The following LYPD5 variants were observed in gnomAD, a reference collection of about 807,000 sequenced individuals.
LYPD5 encodes the protein ly6/PLAUR domain-containing protein 5.
A neutral mutation model predicts 19.1 loss-of-function variants in LYPD5; 21 were observed. The observed-to-expected ratio is 1.10, with a 90% CI of 0.78 to 1.58. The LOEUF (loss-of-function observed/expected upper bound fraction) is 1.58. LYPD5 is among the 40% of genes most tolerant of loss of function. The pLI is 0.00. For synonymous variants in LYPD5, 128 were observed against 142.7 expected, an observed-to-expected ratio of 0.90 and a Z score of 0.74; for missense variants, 287 against 329.8, an observed-to-expected ratio of 0.87 and a Z score of 1.00.
Position 43,798,613 on chromosome 19 carries a change from G to A in LYPD5, c.371-12C>T, listed in dbSNP as rs1351179912. The stretch of plus-strand genomic sequence containing the variant: ...CGGCGGGTCGGGTGCTGGCAAGAGA[G>A]CGTAGATGCACACTCAGGCAGTGGT... On this transcript the variant is annotated splice_polypyrimidine_tract_variant and intron_variant, in intron 3 of 4. Coordinates refer to ENST00000377950, the MANE Select transcript of LYPD5 (RefSeq NM_001031749.3). The A allele has an allele frequency of 6.2e-7, 1 of 1,609,700 alleles. No individual in the cohort carries two copies. The highest frequency in any genetic ancestry group is 1.3e-5 in the African/African-American group (1 of 74,912).
At chr19:43,819,283 C>CTTTTTTTTTTTTTTT (rs560659624) in intron 1 of LYPD5, among the ~76,000 whole-genome samples, 8 of 110,514 alleles carry the variant, frequency 7.2e-5, no homozygotes, top group Non-Finnish European at 1.1e-4. Flanking sequence ...TCTTCTTCTT[C>CTTTTTTTTTTTTTTT]TTTTTTTTTT....
At chr19:43,812,601 G>T (rs969398874) in intron 1 of LYPD5, among the ~76,000 whole-genome samples, 4 of 152,064 alleles carry the variant, frequency 2.6e-5, no homozygotes, top group African/African-American at 9.7e-5. Context: ...CTTGAAACTT[G>T]ATCGTTCATC....
chr19:43,799,807 A>C lies in LYPD5; in HGVS notation c.92T>G (p.Phe31Cys), dbSNP rs527869545. ...TGSQALQCYS[F>C]EHTYFGPFDL... is the part of the protein sequence containing the mutation. ...AAAGGGGCCAAAGTAGGTGTGCTCA[A>C]AGCTGTAGCACTGCAGGGCTTGGGA... Residue 31 changes from phenylalanine to cysteine, a missense_variant, in exon 2 of 5, where the codon TTT (phenylalanine) becomes TGT (cysteine). Phe to Cys is a radical substitution (Grantham distance 205, BLOSUM62 -2). Transcript: ENST00000377950. 2.5e-6 allele frequency: 4 copies of C among 1,613,306 alleles called. No homozygotes were observed. In the African/African-American group the frequency reaches 5.3e-5, roughly 22 times the overall value.
chr19:43,802,526 A>C, upstream of LYPD5: 2 of 628,466 alleles, frequency 3.2e-6, no homozygotes. Context: ...GTCTCTTCCT[A>C]GGTAATCGTG....
chr19:43,806,592 C>T (rs185952285), upstream of LYPD5, among the ~76,000 whole-genome samples: 142 of 152,128 alleles, frequency 9.3e-4, no homozygotes, highest in Non-Finnish European at 8.2e-4. Flanking sequence ...ACACGGAAGG[C>T]GGAGCTTGTG....
upstream of LYPD5, among the ~76,000 whole-genome samples, chr19:43,805,469 G>A (rs368004967): frequency 6.6e-6 from 1 of 152,232 alleles, no homozygotes; most frequent in African/African-American, 2.4e-5. Context: ...TCAAAAATTG[G>A]ATCATGCAGA....
chr19:43,819,851 C>T (rs8107342), intron 1 of LYPD5, among the ~76,000 whole-genome samples: 5,934 of 152,234 alleles, frequency 0.039, 387 homozygotes, highest in African/African-American at 0.13. Flanking sequence ...GTGAGGGAAC[C>T]ACTATGGGAG....
chr19:43,814,172 T>A (rs1298889614), intron 1 of LYPD5, among the ~76,000 whole-genome samples: 1 of 152,220 alleles, frequency 6.6e-6, no homozygotes, highest in Non-Finnish European at 1.5e-5. Flanking sequence ...CATGTATATC[T>A]GCACATTGGG....
chr19:43,805,048 G>A (rs1970259468), upstream of LYPD5, among the ~76,000 whole-genome samples: 1 of 152,212 alleles, frequency 6.6e-6, no homozygotes, highest in Non-Finnish European at 1.5e-5. Flanking sequence ...TCTGCCTGGT[G>A]TCTGAGTGTT....
chr19:43,811,413 C>T (rs1038357220), intron 1 of LYPD5, among the ~76,000 whole-genome samples: 2 of 152,162 alleles, frequency 1.3e-5, no homozygotes, highest in Admixed American at 6.5e-5. Flanking sequence ...CAGCTGGGCA[C>T]GGTGGCTCAC....
chr19:43,800,480 C>G (rs1970208232), intron 1 of LYPD5, among the ~76,000 whole-genome samples: 1 of 152,188 alleles, frequency 6.6e-6, no homozygotes, highest in Admixed American at 6.5e-5. Context: ...CACACAGACA[C>G]AAAGCGTATG....
chr19:43,810,056 T>A (rs1251352788), intron 1 of LYPD5, among the ~76,000 whole-genome samples: 1 of 152,154 alleles, frequency 6.6e-6, no homozygotes, highest in Admixed American at 6.6e-5. Context: ...GCACAATACA[T>A]AATAATTTTC....
upstream of LYPD5, among the ~76,000 whole-genome samples, chr19:43,802,964 C>G (rs1196609234): frequency 6.6e-6 from 1 of 152,050 alleles, no homozygotes; most frequent in East Asian, 1.9e-4. Flanking sequence ...TCTGAGATAC[C>G]GTATGACTGA....
intron 1 of LYPD5, among the ~76,000 whole-genome samples, chr19:43,813,222 G>A (rs114980766): frequency 0.027 from 4,138 of 152,238 alleles, 180 homozygotes; most frequent in African/African-American, 0.092. Flanking sequence ...AACTTGATTA[G>A]TTTCAGTGAA....
intron 1 of LYPD5, among the ~76,000 whole-genome samples, chr19:43,811,735 G>GAGGA (rs1403133540): frequency 2.1e-5 from 1 of 47,180 alleles, no homozygotes; most frequent in South Asian, 1.1e-3. Flanking sequence ...GAGAGGGAGG[G>GAGGA]AGGAAGGAAG....
chr19:43,799,755 G>T lies in LYPD5; in HGVS notation c.144C>A (p.Ser48Arg), dbSNP rs193146372. The change falls in exon 2 of 5, where the codon AGC (serine) becomes AGA (arginine). Residue 48 changes from serine to arginine, a missense_variant. Transcript: ENST00000377950. ...CAAAGCACTCATGAGGACAGGAGAT[G>T]CTGGGCAGCTTCATGGCCCTGAGGT... ...PFDLRAMKLP[S>R]ISCPHECFEA... 7.8e-5 allele frequency: 126 copies of T among 1,614,038 alleles called. No individual in the cohort carries two copies. The highest frequency in any genetic ancestry group is 1.0e-4 in the Non-Finnish European group (123 of 1,179,956).
chr19:43,819,283 C>CTTTTTTTTT (rs560659624), intron 1 of LYPD5, among the ~76,000 whole-genome samples: 57 of 110,512 alleles, frequency 5.2e-4, no homozygotes, highest in Non-Finnish European at 7.3e-4. Context: ...TCTTCTTCTT[C>CTTTTTTTTT]TTTTTTTTTT....
At chr19:43,798,226 C>T (rs1487826589) in intron 4 of LYPD5, among the ~76,000 whole-genome samples, 2 of 149,932 alleles carry the variant, frequency 1.3e-5, no homozygotes, top group African/African-American at 4.9e-5. Flanking sequence ...CTCCCTCAGA[C>T]CAGGGTCATG....
At chr19:43,809,702 G>T (rs1807332438) in intron 1 of LYPD5, among the ~76,000 whole-genome samples, 1 of 152,326 alleles carries the variant, frequency 6.6e-6, no homozygotes. Context: ...AGGACTTGTA[G>T]ATTTAAACAT....
Sources: allele counts gnomAD v4.1 joint callset (sites outside exome capture counted in the v4.1 genomes callset), GRCh38; gene constraint gnomAD v4.1.1; transcripts MANE v1.5; gene names NCBI Gene and HGNC (gene_info 2026-07-23, HGNC 2026-07-21).